The following DSTYK variants were observed in gnomAD, a reference collection of about 807,000 sequenced individuals.
DSTYK encodes dual serine/threonine and tyrosine protein kinase, also known as RIP-homologous kinase.
A neutral mutation model predicts 98.7 loss-of-function variants in DSTYK; 34 were observed. The ratio of observed to expected loss-of-function variants is 0.34; its 90% CI spans 0.26 to 0.46. DSTYK has a LOEUF of 0.46. Ranked by LOEUF, DSTYK falls within the 20% of genes least tolerant of loss-of-function variation. DSTYK has a pLI of 1.00. For synonymous variants in DSTYK, 462 were observed against 457.3 expected, an observed-to-expected ratio of 1.01 and a Z score of -0.13; for missense variants, 962 against 1,181.7, an observed-to-expected ratio of 0.81 and a Z score of 2.73.
chr1:205,202,344 A>G, intron 1 of DSTYK: 1 of 713,770 alleles, frequency 1.4e-6, no homozygotes. Flanking sequence ...GAAAGCTACC[A>G]CTTTACAGAA....
Position 205,159,592 on chromosome 1 carries a change from G to A in DSTYK, c.2193C>T (p.Leu731=), listed in dbSNP as rs1239285728. The change falls in exon 9 of 13, where the codon CTC becomes CTT. Residue 731 remains leucine, a synonymous_variant. Transcript: ENST00000367162. ...CCCGGTGTAGCCGCTCCATAATGAGGAGCACAGCAATGCTGGAGCCACCAC... is the reference window on the plus strand; with the variant it reads ...CCCGGTGTAGCCGCTCCATAATGAGAAGCACAGCAATGCTGGAGCCACCAC... ...NYGGGSSIAV[L]LIMERLHRDL... is the part of the protein sequence containing the mutation. 6.2e-7 allele frequency: 1 copy of A among 1,612,888 alleles called. No individual in the cohort carries two copies. The highest frequency in any genetic ancestry group is 8.5e-7 in the Non-Finnish European group (1 of 1,179,604).
chr1:205,192,713 CT>C (rs1208138073), intron 1 of DSTYK, among the ~76,000 whole-genome samples: 2 of 151,558 alleles, frequency 1.3e-5, no homozygotes, highest in East Asian at 3.9e-4. Flanking sequence ...AATATAAAAA[CT>C]AGCCAAGCAT....
chr1:205,186,027 A>G (rs1658549193), intron 2 of DSTYK, among the ~76,000 whole-genome samples: 1 of 152,124 alleles, frequency 6.6e-6, no homozygotes, highest in Admixed American at 6.5e-5. Flanking sequence ...CATCTCAAAA[A>G]AGAAAAAAAG....
chr1:205,210,479 T>C (rs1293157623), intron 1 of DSTYK, among the ~76,000 whole-genome samples: 1 of 152,176 alleles, frequency 6.6e-6, no homozygotes, highest in East Asian at 1.9e-4. Context: ...AATCCTCCAG[T>C]TCCCCACCAA....
chr1:205,187,374 T>C, intron 2 of DSTYK, 44 bp downstream of exon 2: 1 of 1,528,194 alleles, frequency 6.5e-7, no homozygotes, highest in Non-Finnish European at 8.8e-7. Context: ...AAAGGAAAGC[T>C]GGTATATATG....
chr1:205,147,883 C>T, intron 12 of DSTYK, 138 bp from the exon 13 acceptor site: 1 of 810,430 alleles, frequency 1.2e-6, no homozygotes, highest in South Asian at 2.0e-5. Flanking sequence ...CGATTGCAAA[C>T]ATCTAGGTTA....
At chr1:205,165,383 C>T (rs577178815) in intron 3 of DSTYK, among the ~76,000 whole-genome samples, 23 of 152,152 alleles carry the variant, frequency 1.5e-4, no homozygotes, top group Admixed American at 9.8e-4. Context: ...GAGCCATTGC[C>T]GCCGGCCAGG....
In DSTYK at chr1:205,152,660, A is replaced by ATTTT. The variant is rs572810153; in HGVS notation, c.2353-1870_2353-1867dup. 6.5e-3 allele frequency among the ~76,000 whole-genome samples: 898 copies of ATTTT among 138,150 alleles called. 12 individuals carry two copies. Among genetic ancestry groups the ATTTT allele is most frequent in the African/African-American group, 0.023 (861 of 37,722 alleles). The allele number at this position is 138,150 out of a possible 152,430, so 90.6% of individuals were successfully genotyped here. Reference sequence around the variant, plus strand: ...TGGAACCAGAAGTGTTTTGAATTTCATTTTTTTTTTTTCAGATTTTGGAAT... The same window carrying ATTTT: ...TGGAACCAGAAGTGTTTTGAATTTCATTTTTTTTTTTTTTTTCAGATTTTGGAAT... On this transcript the variant is annotated intron_variant, in intron 10 of 12. Coordinates refer to ENST00000367162, the MANE Select transcript of DSTYK (RefSeq NM_015375.3).
At chr1:205,187,298 A>C in intron 2 of DSTYK, 120 bp downstream of exon 2, 1 of 1,169,400 alleles carries the variant, frequency 8.6e-7, no homozygotes, top group Non-Finnish European at 1.2e-6. Flanking sequence ...CTCTGACTCC[A>C]CTAGCCACTG....
At chr1:205,187,396 T>A in intron 2 of DSTYK, 22 bp downstream of exon 2, 1 of 1,586,418 alleles carries the variant, frequency 6.3e-7, no homozygotes, top group South Asian at 1.2e-5. Context: ...ATACAATTGG[T>A]ATAGAAGTAT....
chr1:205,190,056 C>G (rs12089160), intron 1 of DSTYK, among the ~76,000 whole-genome samples: 17 of 152,328 alleles, frequency 1.1e-4, no homozygotes, highest in African/African-American at 2.6e-4. Context: ...AACTGCAGAA[C>G]ACCTACCATG....
Position 205,169,421 on chromosome 1 carries a change from C to T in DSTYK, c.1066G>A (p.Val356Met), listed in dbSNP as rs1194353109. 3 of 1,614,154 alleles carry T rather than the reference C, an allele frequency of 1.9e-6. No homozygotes were observed. Among genetic ancestry groups the T allele is most frequent in the Non-Finnish European group, 2.5e-6 (3 of 1,180,036 alleles). ...AGGTTCAGGGCCTTGGCTGCATCCA[C>T]CAGGCGAGTCTGTAACACCTGGTGA... ...FSHQVLQTRL[V>M]DAAKALNLVH... The change falls in exon 3 of 13, where the codon GTG (valine) becomes ATG (methionine). Residue 356 changes from valine (V) to methionine (M), a missense_variant. Val to Met is a conservative substitution (Grantham distance 21, BLOSUM62 1). Around this residue, in one of 4 missense-constraint regions of DSTYK, gnomAD observed 660 missense variants for 855.0 expected, o/e 0.77. Coordinates refer to ENST00000367162, the MANE Select transcript of DSTYK (RefSeq NM_015375.3). This position sits in a 1 kb window ranked among gnomAD's most constrained non-coding sequence, Gnocchi z 4.0.
intron 1 of DSTYK, chr1:205,202,498 C>A: frequency 1.2e-6 from 1 of 866,768 alleles, no homozygotes; most frequent in Non-Finnish European, 1.9e-6. Flanking sequence ...TAATGCTGAA[C>A]TTAAGGGTTT....
chr1:205,203,185 C>A (rs1659091998), intron 1 of DSTYK, among the ~76,000 whole-genome samples: 1 of 151,696 alleles, frequency 6.6e-6, no homozygotes, highest in Non-Finnish European at 1.5e-5. Flanking sequence ...AATATTTTCT[C>A]TTTTAAAAGC....
At chr1:205,176,560 C>G (rs1016304606) in intron 2 of DSTYK, among the ~76,000 whole-genome samples, 2 of 136,588 alleles carry the variant, frequency 1.5e-5, no homozygotes, top group African/African-American at 5.3e-5. Context: ...GAATATACTT[C>G]TTTGGTTTTG....
intron 2 of DSTYK, among the ~76,000 whole-genome samples, chr1:205,177,128 G>C (rs1291562385): frequency 6.6e-6 from 1 of 152,024 alleles, no homozygotes; most frequent in East Asian, 1.9e-4. Flanking sequence ...GATCCCTTGA[G>C]CCTAGGAAGT....
chr1:205,193,709 A>G (rs1468989760), intron 1 of DSTYK, among the ~76,000 whole-genome samples: 1 of 152,060 alleles, frequency 6.6e-6, no homozygotes, highest in Non-Finnish European at 1.5e-5. Flanking sequence ...CACCTCTACT[A>G]AAAATACAAA....
intron 1 of DSTYK, among the ~76,000 whole-genome samples, chr1:205,191,929 C>T (rs1658724698): frequency 1.3e-5 from 2 of 152,020 alleles, no homozygotes; most frequent in African/African-American, 2.4e-5. Context: ...TCAGCTGGCT[C>T]ACATTAACCC....
rs1356932975 is a variant in DSTYK at position 205,144,330 on chromosome 1, C to G, written c.*3228G>C. ...CTTTCATGCCATCCTTTTTCTTCCT[C>G]CAGCCACAATCTCACCTCACCACTT... On this transcript the variant is annotated 3_prime_UTR_variant, in exon 13 of 13. Coordinates refer to ENST00000367162, the MANE Select transcript of DSTYK (RefSeq NM_015375.3). The G allele has an allele frequency of 1.3e-5, 2 of 152,624 alleles. No homozygotes were observed. Among genetic ancestry groups the G allele is most frequent in the Non-Finnish European group, 2.9e-5 (2 of 68,028 alleles). 9.5% of individuals were successfully genotyped at this position (152,624 alleles called of 1,614,324 possible).
Sources: allele counts gnomAD v4.1 joint callset (sites outside exome capture counted in the v4.1 genomes callset), GRCh38; gene constraint gnomAD v4.1.1; regional missense constraint gnomAD v4.1.1; non-coding constraint Gnocchi (gnomAD v3.1); transcripts MANE v1.5; gene names NCBI Gene and HGNC (gene_info 2026-07-23, HGNC 2026-07-21).